The following SORBS2 variants were observed in gnomAD, a reference collection of about 807,000 sequenced individuals.
The protein encoded by SORBS2 is sorbin and SH3 domain containing 2, also known as sorbin and SH3 domain-containing protein 2.
SORBS2 carries 46 observed loss-of-function variants against 97.7 expected under a neutral mutation model. The observed-to-expected ratio is 0.47, with a 90% CI of 0.37 to 0.60. The LOEUF is 0.60. Ranked by LOEUF, SORBS2 falls within the 20% of genes least tolerant of loss-of-function variation. The probability of loss-of-function intolerance (pLI) is 0.00; values close to 1 mark genes in which losing one functional copy is unlikely to be tolerated. For synonymous variants in SORBS2, 476 were observed against 473.4 expected (o/e 1.01, Z -0.07); for missense variants, 1,316 against 1,282.3 (o/e 1.03, Z -0.40).
chr4:185,679,397 C>T (rs2097841433), intron 2 of SORBS2, among the ~76,000 whole-genome samples: 1 of 152,190 alleles, frequency 6.6e-6, no homozygotes, highest in East Asian at 1.9e-4. Context: ...AAAACTGTTA[C>T]AACATGTTCC....
intron 2 of SORBS2, among the ~76,000 whole-genome samples, chr4:185,725,008 A>T (rs1472535966): frequency 1.4e-5 from 2 of 145,258 alleles, no homozygotes; most frequent in East Asian, 3.9e-4. Flanking sequence ...CATATCTTTC[A>T]TGCTCAGTGT....
At chr4:185,857,315 A>G (rs542646735) in intron 1 of SORBS2, among the ~76,000 whole-genome samples, 4 of 152,286 alleles carry the variant, frequency 2.6e-5, no homozygotes, top group East Asian at 3.9e-4. Flanking sequence ...CACTTCCCCA[A>G]TCAATACTCT....
Position 185,623,321 on chromosome 4 carries a change from A to C in SORBS2, c.1808T>G (p.Phe603Cys). The change falls in exon 7 of 15, where the codon TTT becomes TGT. Residue 603 changes from phenylalanine to cysteine, a missense_variant. Physicochemically the swap from Phe to Cys is radical, Grantham distance 205. Coordinates refer to ENST00000418609, the Ensembl canonical transcript of SORBS2. The surrounding 1 kb of genome is among the most constrained non-coding windows in gnomAD (Gnocchi z 6.4). ...CCGGAAAGGCACAGGACTGACTAGA[A>C]AAGCAAGTTTAGAAAGGCCAGGGTC... is the stretch of plus-strand genomic sequence containing the variant. 1.2e-6 allele frequency: 2 copies of C among 1,614,104 alleles called. No homozygotes were observed. Among genetic ancestry groups the C allele is most frequent in the Admixed American group, 1.7e-5 (1 of 60,020 alleles).
At chr4:185,612,743 G>A (rs1047729665) in intron 11 of SORBS2, among the ~76,000 whole-genome samples, 2 of 152,142 alleles carry the variant, frequency 1.3e-5, no homozygotes, top group Non-Finnish European at 2.9e-5. Context: ...GACCGCCTCG[G>A]CCTCCCAAAG....
Position 185,834,524 on chromosome 4 carries a change from G to A in SORBS2, c.-337-59158C>T, listed in dbSNP as rs142714101. On this transcript the variant is annotated intron_variant, in intron 1 of 20. Transcript: ENST00000284776. The stretch of plus-strand genomic sequence containing the variant: ...TAGAGAAGAAAACAATAGTTAAATT[G>A]TTCTCAAATGAGGCAGAATGTAATC... Among the ~76,000 whole-genome samples, 54 of 152,160 alleles carry A rather than the reference G, an allele frequency of 3.5e-4. No homozygotes were observed. The East Asian group carries it at 9.3e-3, about 26-fold the overall frequency.
intron 1 of SORBS2, among the ~76,000 whole-genome samples, chr4:185,815,663 G>GGAGA (rs151195751): frequency 6.6e-6 from 1 of 151,140 alleles, no homozygotes; most frequent in African/African-American, 2.4e-5. Flanking sequence ...ACATATATAT[G>GGAGA]GAGAGAGAGA....
chr4:185,781,483 ATT>A (rs2099028557), intron 1 of SORBS2, among the ~76,000 whole-genome samples: 1 of 151,822 alleles, frequency 6.6e-6, no homozygotes, highest in African/African-American at 2.4e-5. Context: ...TCCCAGTGCC[ATT>A]GCCTCCAGCC....
chr4:185,794,263 G>C (rs907645219), intron 1 of SORBS2, among the ~76,000 whole-genome samples: 1 of 152,142 alleles, frequency 6.6e-6, no homozygotes, highest in Non-Finnish European at 1.5e-5. Context: ...TGGAGAGATG[G>C]AGAAGGAGGA....
At chr4:185,800,329 T>C (rs2099124194) in intron 1 of SORBS2, among the ~76,000 whole-genome samples, 1 of 152,184 alleles carries the variant, frequency 6.6e-6, no homozygotes, top group Admixed American at 6.5e-5. Context: ...AGATTTATAG[T>C]AATAATTTTA....
chr4:185,874,866 T>TTTTTTTTTATTTTTTTTTTTTTTTTTTGC, intron 1 of SORBS2, among the ~76,000 whole-genome samples: 1 of 113,444 alleles, frequency 8.8e-6, no homozygotes, highest in Non-Finnish European at 2.0e-5. Context: ...TGATTTTTTT[T>TTTTTTTTTATTTTTTTTTTTTTTTTTTGC]TTTTTTGCAT....
chr4:185,792,720 C>G (rs997985524), intron 1 of SORBS2, among the ~76,000 whole-genome samples: 3 of 151,878 alleles, frequency 2.0e-5, no homozygotes, highest in African/African-American at 7.3e-5. Flanking sequence ...ATTTGGTGTT[C>G]ACTTATAAAT....
chr4:185,855,744 C>T (rs1488855936), intron 1 of SORBS2, among the ~76,000 whole-genome samples: 2 of 152,198 alleles, frequency 1.3e-5, no homozygotes, highest in Non-Finnish European at 2.9e-5. Flanking sequence ...CATCATATAA[C>T]TTATTACGCA....
intron 2 of SORBS2, among the ~76,000 whole-genome samples, chr4:185,716,858 G>A (rs544507961): frequency 6.6e-6 from 1 of 152,216 alleles, no homozygotes; most frequent in East Asian, 1.9e-4. Context: ...GATGCTGTGA[G>A]CGGTCCACCC....
chr4:185,826,036 C>T (rs775706562), intron 1 of SORBS2, among the ~76,000 whole-genome samples: 1 of 152,108 alleles, frequency 6.6e-6, no homozygotes, highest in Non-Finnish European at 1.5e-5. Context: ...CATGGCTTAC[C>T]AAGCCAAACA....
intron 2 of SORBS2, among the ~76,000 whole-genome samples, chr4:185,766,499 A>G (rs188833028): frequency 4.7e-4 from 37 of 78,684 alleles, no homozygotes; most frequent in Admixed American, 4.3e-3. Context: ...TGAAAACCAC[A>G]TTTAATTGTA....
At chr4:185,827,887 AGC>A (rs1321903234) in intron 1 of SORBS2, among the ~76,000 whole-genome samples, 1 of 145,670 alleles carries the variant, frequency 6.9e-6, no homozygotes, top group Non-Finnish European at 1.5e-5. Flanking sequence ...CACCATCATC[AGC>A]GTCACCATCA....
At chr4:185,861,845 C>T (rs765348235) in intron 1 of SORBS2, among the ~76,000 whole-genome samples, 6 of 152,126 alleles carry the variant, frequency 3.9e-5, no homozygotes, top group Non-Finnish European at 8.8e-5. Flanking sequence ...GATCCACTTG[C>T]CTCAGTCTCC....
rs2153423761 is a variant in SORBS2, at chr4:185,623,746, T to C, written c.1383A>G (p.Glu461=). ...GAGCGGGGGGGCCGCTTTGATTTTC[T>C]TCCTCCAGCAAATACTCAATGGAAA... The change falls in exon 7 of 15, where the codon GAA becomes GAG. Residue 461 remains glutamate, a synonymous_variant. Coordinates refer to ENST00000418609, the Ensembl canonical transcript of SORBS2. The surrounding 1 kb of genome is among the most constrained non-coding windows in gnomAD (Gnocchi z 6.4). 1 of 1,614,186 alleles carries C rather than the reference T, an allele frequency of 6.2e-7. No homozygotes were observed.
exon 4 of SORBS2, chr4:185,678,455 G>T (rs1430098917): frequency 1.3e-6 from 2 of 1,550,878 alleles, no homozygotes; most frequent in Non-Finnish European, 1.7e-6. Flanking sequence ...TGTAGGTTTG[G>T]TCGAACGCTT....
Sources: gnomAD v4.1 joint callset for allele counts (sites outside exome capture counted in the v4.1 genomes callset) on GRCh38, gnomAD v4.1.1 for gene constraint, Gnocchi (gnomAD v3.1) non-coding constraint, MANE v1.5 for transcripts, NCBI Gene and HGNC (gene_info 2026-07-23, HGNC 2026-07-21) for gene names.